The following LRRTM4 variants were observed in gnomAD, a reference collection of about 807,000 sequenced individuals.
LRRTM4 encodes leucine rich repeat transmembrane neuronal 4.
A neutral mutation model predicts 47.6 loss-of-function variants in LRRTM4; 25 were observed. That is an observed-to-expected ratio of 0.53 (90% CI 0.38 to 0.73). The LOEUF (loss-of-function observed/expected upper bound fraction) is 0.73. Among genes scored for constraint, LRRTM4 ranks in the 30% least tolerant of loss-of-function variants. The pLI is 0.00. For missense variants in LRRTM4, 638 were observed against 713.4 expected (o/e 0.89, Z 1.20); for synonymous variants, 311 against 269.5 (o/e 1.15, Z -1.51).
chr2:77,018,839 T>C (rs1199409772), intron 3 of LRRTM4, among the ~76,000 whole-genome samples: 1 of 152,170 alleles, frequency 6.6e-6, no homozygotes, highest in Non-Finnish European at 1.5e-5. Context: ...TATTCTTCTT[T>C]CATGAAAGCA....
intron 3 of LRRTM4, among the ~76,000 whole-genome samples, chr2:77,388,442 A>C (rs906409396): frequency 9.2e-5 from 14 of 152,218 alleles, no homozygotes; most frequent in Non-Finnish European, 1.8e-4. Context: ...AATCTGAGAG[A>C]GCTTCTCACT....
intron 3 of LRRTM4, among the ~76,000 whole-genome samples, chr2:77,169,431 T>C (rs957559315): frequency 1.3e-5 from 2 of 152,198 alleles, no homozygotes; most frequent in African/African-American, 4.8e-5. Context: ...ATGTACTTCC[T>C]GCTATGGTTT....
At chr2:76,789,304 T>A (rs1674844893) in intron 3 of LRRTM4, among the ~76,000 whole-genome samples, 2 of 152,132 alleles carry the variant, frequency 1.3e-5, no homozygotes, top group South Asian at 4.1e-4. Flanking sequence ...TAGGTGATAT[T>A]TACCTTCAGA....
At chr2:77,144,072 AG>A (rs1672194482) in intron 3 of LRRTM4, among the ~76,000 whole-genome samples, 1 of 152,166 alleles carries the variant, frequency 6.6e-6, no homozygotes, top group Non-Finnish European at 1.5e-5. Context: ...ATGCAGGAGA[AG>A]TTGAGCTGTG....
intron 3 of LRRTM4, among the ~76,000 whole-genome samples, chr2:77,383,604 T>C (rs1250244461): frequency 2.0e-5 from 3 of 152,098 alleles, no homozygotes; most frequent in Admixed American, 1.3e-4. Flanking sequence ...TAAGTGCTTA[T>C]GGATGTTCCA....
intron 3 of LRRTM4, among the ~76,000 whole-genome samples, chr2:77,393,869 C>CA (rs1673598223): frequency 6.6e-6 from 1 of 151,604 alleles, no homozygotes; most frequent in Non-Finnish European, 1.5e-5. Context: ...CCAGGGTTGC[C>CA]AGATTTACAA....
intron 3 of LRRTM4, among the ~76,000 whole-genome samples, chr2:76,936,112 C>T (rs1042989646): frequency 1.3e-5 from 2 of 152,136 alleles, no homozygotes; most frequent in South Asian, 4.1e-4. Flanking sequence ...GATTATAAAT[C>T]ATTCTCCTAT....
intron 3 of LRRTM4, among the ~76,000 whole-genome samples, chr2:76,956,639 T>G (rs1283542579): frequency 6.7e-6 from 1 of 148,710 alleles, no homozygotes; most frequent in Non-Finnish European, 1.5e-5. Context: ...AATAGAAAAA[T>G]TAAAATATTA....
intron 3 of LRRTM4, among the ~76,000 whole-genome samples, chr2:76,892,556 TG>T (rs1248668223): frequency 5.9e-5 from 9 of 151,678 alleles, no homozygotes; most frequent in Admixed American, 5.3e-4. Flanking sequence ...CAATTTTTTT[TG>T]GCAAACTCAA....
intron 3 of LRRTM4, among the ~76,000 whole-genome samples, chr2:77,162,715 G>A (rs1338582980): frequency 6.6e-6 from 1 of 152,302 alleles, no homozygotes; most frequent in East Asian, 1.9e-4. Context: ...AACAGGGTCT[G>A]GAGTGGACCT....
chr2:77,290,296 A>C (rs1050522586), intron 3 of LRRTM4, among the ~76,000 whole-genome samples: 1 of 151,968 alleles, frequency 6.6e-6, no homozygotes, highest in African/African-American at 2.4e-5. Context: ...TCAAAGTGGA[A>C]GTTCTATTTG....
intron 3 of LRRTM4, among the ~76,000 whole-genome samples, chr2:77,496,093 C>A (rs1340697887): frequency 1.3e-5 from 2 of 151,670 alleles, no homozygotes; most frequent in East Asian, 3.9e-4. Context: ...CAGATTTATC[C>A]CTAAGTACTT....
intron 3 of LRRTM4, among the ~76,000 whole-genome samples, chr2:76,848,799 T>G (rs1373419693): frequency 2.0e-5 from 3 of 152,158 alleles, no homozygotes; most frequent in Non-Finnish European, 4.4e-5. Flanking sequence ...AGTATAAAAT[T>G]TATTTTCTGA....
intron 3 of LRRTM4, among the ~76,000 whole-genome samples, chr2:77,189,664 G>T (rs1321291991): frequency 6.6e-6 from 1 of 152,092 alleles, no homozygotes; most frequent in Non-Finnish European, 1.5e-5. Flanking sequence ...CTTCAGAACT[G>T]TGAGAGCTAA....
At position 77,215,839 on chromosome 2, in the gene LRRTM4, C is replaced by T. The variant is rs554301448; in HGVS notation, c.1551+302479G>A. ...TAGAGTAAAACCTCAGAGATTTTAA[C>T]GTCTCAGTCTTAATTAGTGAAGTCT... On this transcript the variant is annotated intron_variant, in intron 3 of 3. Transcript: ENST00000409884. Among the ~76,000 whole-genome samples the T allele has an allele frequency of 3.1e-4, 47 of 152,238 alleles. 1 individual carries two copies. The highest frequency in any genetic ancestry group is 6.8e-3 in the Middle Eastern group (2 of 294).
intron 3 of LRRTM4, among the ~76,000 whole-genome samples, chr2:77,079,012 A>G (rs1327785816): frequency 1.3e-5 from 2 of 152,118 alleles, no homozygotes; most frequent in African/African-American, 2.4e-5. Flanking sequence ...AAATGCATTC[A>G]TATAAGGACT....
At chr2:77,256,942 A>G (rs66902408) in intron 3 of LRRTM4, among the ~76,000 whole-genome samples, 6,633 of 152,232 alleles carry the variant, frequency 0.044, 212 homozygotes, top group East Asian at 0.11. Context: ...TGTATAGAAC[A>G]TGACAAACTT....
At chr2:76,755,927 A>T (rs1220099486) in intron 3 of LRRTM4, among the ~76,000 whole-genome samples, 1 of 152,174 alleles carries the variant, frequency 6.6e-6, no homozygotes, top group African/African-American at 2.4e-5. Flanking sequence ...GAGGTCAGAC[A>T]TGCCTCATTA....
chr2:76,888,389 C>G (rs1186583867), intron 3 of LRRTM4, among the ~76,000 whole-genome samples: 1 of 151,266 alleles, frequency 6.6e-6, no homozygotes, highest in Non-Finnish European at 1.5e-5. Context: ...TATTCTTTCT[C>G]GAACACATAC....
Sources: gnomAD v4.1 joint callset for allele counts (sites outside exome capture counted in the v4.1 genomes callset) on GRCh38, gnomAD v4.1.1 for gene constraint, MANE v1.5 for transcripts, NCBI Gene and HGNC (gene_info 2026-07-23, HGNC 2026-07-21) for gene names.